The following PPM1B variants were observed in gnomAD, a reference collection of about 807,000 sequenced individuals.
The protein encoded by PPM1B is protein phosphatase, Mg2+/Mn2+ dependent 1B.
PPM1B carries 22 observed loss-of-function variants against 43.0 expected under a neutral mutation model. The ratio of observed to expected loss-of-function variants is 0.51; its 90% CI spans 0.37 to 0.73. PPM1B has a LOEUF of 0.73. Ranked by LOEUF, PPM1B falls within the 30% of genes least tolerant of loss-of-function variation. PPM1B has a pLI of 0.00. For synonymous variants in PPM1B, 217 were observed against 197.9 expected (o/e 1.10, Z -0.81); for missense variants, 632 against 584.2 (o/e 1.08, Z -0.84).
chr2:44,184,805 T>G (rs1668045921), intron 1 of PPM1B, among the ~76,000 whole-genome samples: 1 of 151,970 alleles, frequency 6.6e-6, no homozygotes, highest in African/African-American at 2.4e-5. Context: ...AATCTCTAAC[T>G]GAATTTTAAC....
At chr2:44,173,808 G>A (rs1245168963) in intron 1 of PPM1B, among the ~76,000 whole-genome samples, 1 of 152,136 alleles carries the variant, frequency 6.6e-6, no homozygotes, top group African/African-American at 2.4e-5. Context: ...GCCGGGTGTG[G>A]TGGCACATGC....
chr2:44,223,843 AAGAG>A lies in PPM1B; in HGVS notation c.1134+5318_1134+5321del, dbSNP rs1462725669. Among the ~76,000 whole-genome samples, 425 of 132,690 alleles carry A rather than the reference AAGAG, an allele frequency of 3.2e-3. 5 individuals carry two copies. The highest frequency in any genetic ancestry group is 0.011 in the African/African-American group (355 of 31,060). The allele number at this position is 132,690 out of a possible 152,430, so 87.0% of individuals were successfully genotyped here. A position where few individuals can be genotyped will look rare whatever the true frequency, so the allele number is the denominator to read the frequency against. On this transcript the variant is annotated intron_variant, in intron 5 of 5. Coordinates refer to ENST00000282412, the MANE Select transcript of PPM1B (RefSeq NM_002706.6). ...AAAAAAAAAAAAAAAAAAAAAAAAA[AAGAG>A]AGAGAGAGAGAAAATGCACTAACAT...
chr2:44,245,552 T>C (rs1255488936), downstream of PPM1B, among the ~76,000 whole-genome samples: 1 of 152,212 alleles, frequency 6.6e-6, no homozygotes, highest in Non-Finnish European at 1.5e-5. Flanking sequence ...ACTTTTTATT[T>C]CCCTGATTAT....
downstream of PPM1B, among the ~76,000 whole-genome samples, chr2:44,236,627 T>G (rs1022891702): frequency 6.6e-6 from 1 of 152,138 alleles, no homozygotes; most frequent in African/African-American, 2.4e-5. Flanking sequence ...TCAAACTGCC[T>G]GATATATTTT....
downstream of PPM1B, among the ~76,000 whole-genome samples, chr2:44,238,198 C>T (rs1042299806): frequency 6.6e-6 from 1 of 152,062 alleles, no homozygotes; most frequent in African/African-American, 2.4e-5. Context: ...CCACCGCACC[C>T]AGCCTGAAAT....
intron 1 of PPM1B, among the ~76,000 whole-genome samples, chr2:44,185,527 G>T (rs1668078068): frequency 6.6e-6 from 1 of 152,166 alleles, no homozygotes; most frequent in Non-Finnish European, 1.5e-5. Context: ...TGAAAGGCTT[G>T]GAGAGGGGTA....
chr2:44,214,251 T>C (rs1488150950), intron 3 of PPM1B, among the ~76,000 whole-genome samples: 1 of 152,126 alleles, frequency 6.6e-6, no homozygotes, highest in African/African-American at 2.4e-5. Flanking sequence ...GGCTAATTTT[T>C]TGTATTTTTA....
chr2:44,201,950 A>C lies in PPM1B; in HGVS notation c.751A>C (p.Asn251His). 1 of 1,614,112 alleles carries C rather than the reference A, an allele frequency of 6.2e-7. No homozygotes were observed. Among genetic ancestry groups the C allele is most frequent in the Non-Finnish European group, 8.5e-7 (1 of 1,179,998 alleles). Residue 251 changes from asparagine (N) to histidine (H), a missense_variant, in exon 2 of 6, where the codon AAT becomes CAT. Physicochemically the swap from Asn to His is moderately conservative, Grantham distance 68 (BLOSUM62 1). Around this residue, in one of 3 missense-constraint regions of PPM1B, gnomAD observed 392 missense variants for 302.7 expected, o/e 1.29. Coordinates refer to ENST00000282412, the MANE Select transcript of PPM1B (RefSeq NM_002706.6). This position sits in a 1 kb window ranked among gnomAD's most constrained non-coding sequence, Gnocchi z 5.4. ...ACDGIWDVMS[N>H]EELCEYVKSR... The stretch of plus-strand genomic sequence containing the variant: ...TGATGGGATCTGGGATGTTATGAGT[A>C]ATGAGGAGCTCTGTGAATATGTTAA...
At chr2:44,174,312 A>G (rs1667481619) in intron 1 of PPM1B, among the ~76,000 whole-genome samples, 2 of 152,180 alleles carry the variant, frequency 1.3e-5, no homozygotes, top group South Asian at 4.1e-4. Context: ...ATCCGATCTC[A>G]TACTTAGAGG....
chr2:44,181,503 G>C (rs976009830), intron 1 of PPM1B, among the ~76,000 whole-genome samples: 1 of 152,200 alleles, frequency 6.6e-6, no homozygotes, highest in African/African-American at 2.4e-5. Context: ...AAGTCAGGGA[G>C]ATCCACTAGG....
chr2:44,244,376 A>G lies in PPM1B; in HGVS notation n.1695A>G, dbSNP rs763461888. 14 of 1,350,760 alleles carry G rather than the reference A, an allele frequency of 1.0e-5. 1 individual carries two copies. The highest frequency in any genetic ancestry group is 8.1e-5 in the South Asian group (7 of 86,298). 83.7% of individuals were successfully genotyped at this position (1,350,760 alleles called of 1,614,324 possible). ...GAACGAAAAATAAACCCAGCATTAT[A>G]TAATTATAGTATTTGTACTGCTGTT... On this transcript the variant is annotated non_coding_transcript_exon_variant, in exon 6 of 6. Coordinates refer to the PPM1B transcript ENST00000378540.
chr2:44,245,932 C>A (rs139788062), downstream of PPM1B, among the ~76,000 whole-genome samples: 2 of 152,188 alleles, frequency 1.3e-5, no homozygotes, highest in Non-Finnish European at 2.9e-5. Context: ...TCAAACTCTG[C>A]GCTTGAATTA....
chr2:44,208,248 A>G (rs962884079), intron 2 of PPM1B, among the ~76,000 whole-genome samples: 9 of 152,202 alleles, frequency 5.9e-5, no homozygotes, highest in Admixed American at 5.9e-4. Flanking sequence ...GAAATAAAAT[A>G]TGTCCTTAAA....
intron 2 of PPM1B, among the ~76,000 whole-genome samples, chr2:44,205,671 C>G (rs949091690): frequency 1.1e-4 from 17 of 151,806 alleles, no homozygotes; most frequent in African/African-American, 3.9e-4. Flanking sequence ...TACTTTGTCA[C>G]CTGTTTTGTT....
Position 44,240,176 on chromosome 2 carries a change from ATC to A in PPM1B, n.1547-4050_1547-4049del, listed in dbSNP as rs564643095. Among the ~76,000 whole-genome samples the A allele has an allele frequency of 1.5e-3, 225 of 145,588 alleles. 24 individuals carry two copies. Among genetic ancestry groups the A allele is most frequent in the Non-Finnish European group, 2.6e-3 (168 of 65,194 alleles). ...ACATGAGCCACCGCACATGGCCTAA[ATC>A]TAGTTCCTTCTAATAAAATGCAACT... On this transcript the variant is annotated intron_variant and non_coding_transcript_variant, in intron 5 of 5. Coordinates refer to the PPM1B transcript ENST00000378540.
At chr2:44,209,507 C>G (rs954393130) in intron 3 of PPM1B, 180 bp downstream of exon 3, 1 of 660,236 alleles carries the variant, frequency 1.5e-6, no homozygotes, top group African/African-American at 1.8e-5. Flanking sequence ...CCTGGTCAGG[C>G]GCAGTGGCTC....
chr2:44,233,056 G>A, downstream of PPM1B: 1 of 981,778 alleles, frequency 1.0e-6, no homozygotes, highest in Non-Finnish European at 1.2e-6. Flanking sequence ...TTAATTTATG[G>A]CTATTTATAA....
chr2:44,198,572 C>T (rs1437371829), intron 1 of PPM1B, among the ~76,000 whole-genome samples: 2 of 152,154 alleles, frequency 1.3e-5, no homozygotes, highest in African/African-American at 2.4e-5. Flanking sequence ...TAAGACAGAG[C>T]CTACCACAGA....
At position 44,206,647 on chromosome 2, in the gene PPM1B, A is replaced by G. The variant is rs559221992; in HGVS notation, c.847-2563A>G. 2.7e-5 allele frequency among the ~76,000 whole-genome samples: 4 copies of G among 150,102 alleles called. No homozygotes were observed. The East Asian group carries it at 5.8e-4, about 22-fold the overall frequency. ...CAAAAACTCAAAAGGGTTAAAAGAA[A>G]TTAGATTTCTAAAAGTGTAAGGTGT... On this transcript the variant is annotated intron_variant, in intron 2 of 5. Transcript: ENST00000282412.
Sources: gnomAD v4.1 joint callset for allele counts (sites outside exome capture counted in the v4.1 genomes callset) on GRCh38, gnomAD v4.1.1 for gene constraint, gnomAD v4.1.1 regional missense constraint, Gnocchi (gnomAD v3.1) non-coding constraint, MANE v1.5 for transcripts, NCBI Gene and HGNC (gene_info 2026-07-23, HGNC 2026-07-21) for gene names.